Variants in NUP210 observed in about 807,000 individuals in gnomAD.
NUP210 encodes nuclear pore membrane glycoprotein 210.
In NUP210, 151 loss-of-function variants were observed where a neutral mutation model predicts 196.0. The observed-to-expected ratio is 0.77, with a 90% CI of 0.67 to 0.88. The LOEUF is 0.88. Ranked by LOEUF, NUP210 falls within the 40% of genes least tolerant of loss-of-function variation. The pLI is 0.00. For synonymous variants in NUP210, 1,070 were observed against 1,052.7 expected, an observed-to-expected ratio of 1.02 and a Z score of -0.32; for missense variants, 2,314 against 2,493.7, an observed-to-expected ratio of 0.93 and a Z score of 1.53.
At chr3:13,351,019 T>C (rs1055036207) in intron 20 of NUP210, among the ~76,000 whole-genome samples, 1 of 152,196 alleles carries the variant, frequency 6.6e-6, no homozygotes, top group Non-Finnish European at 1.5e-5. Flanking sequence ...AATTGAAAAG[T>C]ATAACAGCTG....
At chr3:13,385,106 GT>G (rs1354085679) in intron 6 of NUP210, among the ~76,000 whole-genome samples, 12 of 152,184 alleles carry the variant, frequency 7.9e-5, no homozygotes, top group Non-Finnish European at 1.5e-4. Flanking sequence ...CCTGTCTTCA[GT>G]TTTTTTGTCC....
chr3:13,377,617 G>A (rs992987932), intron 8 of NUP210, 55 bp from the exon 9 acceptor site: 11 of 1,353,634 alleles, frequency 8.1e-6, no homozygotes, highest in African/African-American at 7.5e-5. Context: ...GCAGGGTGGA[G>A]GAGGATGGGA....
chr3:13,375,119 G>A (rs1336369259), intron 11 of NUP210, among the ~76,000 whole-genome samples: 1 of 146,932 alleles, frequency 6.8e-6, no homozygotes, highest in Non-Finnish European at 1.5e-5. Context: ...TGTATTCCAG[G>A]TTTTCTTTAT....
Position 13,323,273 on chromosome 3 carries a change from G to A in NUP210, c.4768+36C>T, listed in dbSNP as rs1696611484. On this transcript the variant is annotated intron_variant, in intron 34 of 39. Transcript: ENST00000254508. The surrounding 1 kb of genome is among the most constrained non-coding windows in gnomAD (Gnocchi z 4.3). ...CAGGAAGCCACCTCCCCGCTCCCAG[G>A]TACTCTGAAGACAGCCCAAGCCCCT... 1 of 1,612,890 alleles carries A rather than the reference G, an allele frequency of 6.2e-7. No individual in the cohort carries two copies. Among genetic ancestry groups the A allele is most frequent in the African/African-American group, 1.3e-5 (1 of 74,866 alleles).
At position 13,406,501 on chromosome 3, in the gene NUP210, C is replaced by G. The variant is rs559320071; in HGVS notation, c.168-6640G>C. ...AAACCGGGTCTGGAGACACAGCACT[C>G]AAGGACACACAGGGGCTCACTAAGC... On this transcript the variant is annotated intron_variant, in intron 1 of 39. Transcript: ENST00000254508. Among the ~76,000 whole-genome samples the G allele has an allele frequency of 4.6e-5, 7 of 152,314 alleles. No homozygotes were observed. In the East Asian group the frequency reaches 1.2e-3, roughly 25 times the overall value.
At chr3:13,399,949 G>C (rs1699781197) in intron 1 of NUP210, 88 bp from the exon 2 acceptor site, 1 of 1,480,400 alleles carries the variant, frequency 6.8e-7, no homozygotes, top group Non-Finnish European at 9.1e-7. Context: ...CACCCGTCTA[G>C]GGCGCAGTCC....
chr3:13,348,905 A>C lies in NUP210; in HGVS notation c.2835+2974T>G. 2 of 953,476 alleles carry C rather than the reference A, an allele frequency of 2.1e-6. No individual in the cohort carries two copies. The highest frequency in any genetic ancestry group is 2.4e-6 in the Non-Finnish European group (2 of 821,984). The allele number at this position is 953,476 out of a possible 1,614,324, so 59.1% of individuals were successfully genotyped here. On this transcript the variant is annotated intron_variant, in intron 20 of 39. Coordinates refer to ENST00000254508, the MANE Select transcript of NUP210 (RefSeq NM_024923.4). The surrounding 1 kb of genome is among the most constrained non-coding windows in gnomAD (Gnocchi z 4.0). ...CCAAACAAAAAAACTGAATTAAAAA[A>C]CTTATTAAACAGGGGGTGTTTCACA...
intron 4 of NUP210, among the ~76,000 whole-genome samples, chr3:13,389,797 T>C (rs1699425420): frequency 6.6e-6 from 1 of 152,118 alleles, no homozygotes; most frequent in African/African-American, 2.4e-5. Context: ...GGACTTATAA[T>C]TATATAGGGG....
At chr3:13,355,337 C>T (rs1698132067) in intron 16 of NUP210, among the ~76,000 whole-genome samples, 1 of 152,214 alleles carries the variant, frequency 6.6e-6, no homozygotes, top group Non-Finnish European at 1.5e-5. Flanking sequence ...GGAAGCTTCA[C>T]TGCCAGATCC....
At chr3:13,360,545 G>C in intron 14 of NUP210, 54 bp from the exon 15 acceptor site, 1 of 1,428,390 alleles carries the variant, frequency 7.0e-7, no homozygotes, top group Non-Finnish European at 9.6e-7. Flanking sequence ...GCACGGGCAG[G>C]AGCCGGGCAT....
At chr3:13,412,231 C>CTTTTTT (rs71066953) in intron 1 of NUP210, among the ~76,000 whole-genome samples, 42,813 of 103,796 alleles carry the variant, frequency 0.41, 8,997 homozygotes, top group Non-Finnish European at 0.47. Flanking sequence ...TTTTCCTTTT[C>CTTTTTT]TTTTTTTTTT....
At chr3:13,368,667 TGG>T (rs1553601813) in intron 13 of NUP210, among the ~76,000 whole-genome samples, 1 of 152,220 alleles carries the variant, frequency 6.6e-6, no homozygotes, top group Non-Finnish European at 1.5e-5. Flanking sequence ...CTCATACAAG[TGG>T]GATCATAGAG....
rs772458277 is a variant in NUP210, at chr3:13,391,212, G to A, written c.532C>T (p.Arg178Ter). 22 of 1,609,256 alleles carry A rather than the reference G, an allele frequency of 1.4e-5. 1 individual carries two copies. Among genetic ancestry groups the A allele is most frequent in the South Asian group, 1.1e-4 (10 of 90,230 alleles). Residue 178 changes from arginine to a stop codon, truncating the protein, a stop_gained and splice_region_variant, in exon 4 of 40, where the codon CGA (arginine) becomes TGA (stop). Coordinates refer to ENST00000254508, the MANE Select transcript of NUP210 (RefSeq NM_024923.4). LOFTEE classifies it high-confidence loss of function. ...DRFSDSHNAL[R>*]ILTFLESTYI... is the part of the protein sequence containing the mutation. ...AGGCCTAGCAGAGGCACCCCTTACC[G>A]CAGCGCATTGTGGGAGTCTGAGAAC... is the stretch of plus-strand genomic sequence containing the variant.
At chr3:13,388,171 C>T in intron 5 of NUP210, 132 bp downstream of exon 5, 1 of 668,116 alleles carries the variant, frequency 1.5e-6, no homozygotes, top group Non-Finnish European at 2.5e-6. Flanking sequence ...GAACCCACAT[C>T]CTGAAATCAC....
In NUP210 at chr3:13,330,584, AC is replaced by A. The variant is rs1696956050; in HGVS notation, c.3985del (p.Val1329PhefsTer12). The A allele has an allele frequency of 6.2e-7, 1 of 1,614,138 alleles. No individual in the cohort carries two copies. Among genetic ancestry groups the A allele is most frequent in the East Asian group, 2.2e-5 (1 of 44,880 alleles). The part of the protein sequence containing the change: ...SYRVLDGPEK[V>X]PVVHVDEKGF... ...TTTCTCATCAACATGCACAACTGGA[AC>A]CTTTTCGGGTCCATCCAGGACGCGG... On this transcript the variant is annotated frameshift_variant, in exon 30 of 40. Transcript: ENST00000254508. LOFTEE classifies it high-confidence loss of function.
rs1187800947 is a variant in NUP210 at position 13,366,666 on chromosome 3, C to T, written c.1787-575G>A. On this transcript the variant is annotated intron_variant, in intron 13 of 39. Coordinates refer to ENST00000254508, the MANE Select transcript of NUP210 (RefSeq NM_024923.4). Reference sequence around the variant, plus strand: ...CCGAGTAGCTGGGATTAGAGGCATGCGCCACCACGCCCAGCTAATTCTTTG... The same window carrying T: ...CCGAGTAGCTGGGATTAGAGGCATGTGCCACCACGCCCAGCTAATTCTTTG... Among the ~76,000 whole-genome samples the T allele has an allele frequency of 1.7e-4, 26 of 150,700 alleles. 3 individuals are homozygous for T. Among genetic ancestry groups the T allele is most frequent in the Admixed American group, 8.6e-4 (13 of 15,128 alleles).
intron 15 of NUP210, 90 bp downstream of exon 15, chr3:13,360,180 T>TG: frequency 9.1e-7 from 1 of 1,104,874 alleles, no homozygotes; most frequent in Non-Finnish European, 1.3e-6. Flanking sequence ...CTCTCAGCGT[T>TG]ACTCCAAGGA....
intron 14 of NUP210, among the ~76,000 whole-genome samples, chr3:13,361,409 T>C (rs184069218): frequency 6.6e-6 from 1 of 152,226 alleles, no homozygotes; most frequent in Non-Finnish European, 1.5e-5. Flanking sequence ...CAGGGCCCCA[T>C]GGCCTCCTGG....
intron 14 of NUP210, among the ~76,000 whole-genome samples, chr3:13,364,631 C>T (rs1380810027): frequency 6.6e-6 from 1 of 152,064 alleles, no homozygotes; most frequent in East Asian, 1.9e-4. Context: ...GAGTTCGGGA[C>T]CAGCCTCACT....
Sources: allele counts gnomAD v4.1 joint callset (sites outside exome capture counted in the v4.1 genomes callset), GRCh38; gene constraint gnomAD v4.1.1; non-coding constraint Gnocchi (gnomAD v3.1); transcripts MANE v1.5; gene names NCBI Gene and HGNC (gene_info 2026-07-23, HGNC 2026-07-21).